The following NUP153 variants were observed in gnomAD, a reference collection of about 807,000 sequenced individuals.
NUP153 encodes nuclear pore complex protein Nup153.
NUP153 carries 27 observed loss-of-function variants against 134.6 expected under a neutral mutation model. That is an observed-to-expected ratio of 0.20 (90% CI 0.15 to 0.28). The LOEUF is 0.28. NUP153 is among the 10% of genes least tolerant of loss of function. NUP153 has a pLI of 1.00. For synonymous variants in NUP153, 640 were observed against 623.5 expected (o/e 1.03, Z -0.40); for missense variants, 1,821 against 1,731.3 (o/e 1.05, Z -0.92).
chr6:17,688,646 A>C lies in NUP153; in HGVS notation c.112-28T>G, dbSNP rs937182835. On this transcript the variant is annotated intron_variant, in intron 1 of 21. Transcript: ENST00000262077. Reference sequence around the variant, plus strand: ...GTTGAGAGAAAAAACATATTATGACAGTTTTAGAAATTTATCTTTTTAAAA... The same window carrying C: ...GTTGAGAGAAAAAACATATTATGACCGTTTTAGAAATTTATCTTTTTAAAA... 2.6e-6 allele frequency: 4 copies of C among 1,540,284 alleles called. No homozygotes were observed. The African/African-American group carries it at 5.5e-5, about 21-fold the overall frequency.
intron 2 of NUP153, among the ~76,000 whole-genome samples, chr6:17,676,074 T>C (rs960353889): frequency 6.6e-6 from 1 of 152,228 alleles, no homozygotes; most frequent in African/African-American, 2.4e-5. Context: ...ATGGTGTATT[T>C]TGTAATACAG....
At chr6:17,661,959 A>C (rs1767212874) in intron 10 of NUP153, 59 bp downstream of exon 10, 1 of 1,344,850 alleles carries the variant, frequency 7.4e-7, no homozygotes, top group Non-Finnish European at 1.0e-6. Context: ...CATGTAAATT[A>C]AATACAGACC....
chr6:17,653,239 C>T (rs1366583043), intron 11 of NUP153, among the ~76,000 whole-genome samples: 1 of 151,950 alleles, frequency 6.6e-6, no homozygotes, highest in Non-Finnish European at 1.5e-5. Context: ...GGCGACAGAG[C>T]GAGGCTCCAT....
chr6:17,667,721 G>GAA (rs2113824252), intron 8 of NUP153, among the ~76,000 whole-genome samples: 1 of 151,484 alleles, frequency 6.6e-6, no homozygotes, highest in African/African-American at 2.4e-5. Context: ...GCCTCAAAAA[G>GAA]AAAAGAAAAA....
chr6:17,682,290 TA>T (rs1393643549), intron 2 of NUP153, among the ~76,000 whole-genome samples: 1 of 152,182 alleles, frequency 6.6e-6, no homozygotes. Flanking sequence ...TAGAAAGTCA[TA>T]ATCTTTTAGG....
At chr6:17,639,321 T>C (rs917413283) in intron 15 of NUP153, among the ~76,000 whole-genome samples, 2 of 152,088 alleles carry the variant, frequency 1.3e-5, no homozygotes, top group African/African-American at 4.8e-5. Flanking sequence ...TCAAGTGATC[T>C]GCCCGTCTTG....
chr6:17,657,394 A>T lies in NUP153; in HGVS notation c.1395+4259T>A, dbSNP rs6913539. Reference sequence around the variant, plus strand: ...CCCGTCTCTACTAAAATAAAAAAATAAAAAAATAAAAAAAAAAAAAATAGC... The same window carrying T: ...CCCGTCTCTACTAAAATAAAAAAATTAAAAAATAAAAAAAAAAAAAATAGC... On this transcript the variant is annotated intron_variant, in intron 11 of 21. Coordinates refer to ENST00000262077, the MANE Select transcript of NUP153 (RefSeq NM_005124.4). Among the ~76,000 whole-genome samples the T allele has an allele frequency of 7.3e-3, 726 of 99,880 alleles. 4 individuals carry two copies. Among genetic ancestry groups the T allele is most frequent in the African/African-American group, 0.015 (445 of 29,488 alleles). 65.5% of individuals were successfully genotyped at this position (99,880 alleles called of 152,430 possible). A position where few individuals can be genotyped will look rare whatever the true frequency, so the allele number is the denominator to read the frequency against.
At chr6:17,649,961 T>G (rs564342176) in intron 11 of NUP153, among the ~76,000 whole-genome samples, 1 of 152,286 alleles carries the variant, frequency 6.6e-6, no homozygotes, top group South Asian at 2.1e-4. Context: ...AACAAGCATT[T>G]AGTAACTGTC....
chr6:17,643,238 C>A (rs987220667), intron 14 of NUP153, among the ~76,000 whole-genome samples: 2 of 152,214 alleles, frequency 1.3e-5, no homozygotes, highest in Non-Finnish European at 2.9e-5. Flanking sequence ...TCTGAGACGC[C>A]TAGGCGGCCA....
chr6:17,658,735 T>C (rs1230180534), intron 11 of NUP153, among the ~76,000 whole-genome samples: 2 of 152,218 alleles, frequency 1.3e-5, no homozygotes, highest in African/African-American at 2.4e-5. Context: ...AAGTGTCGTC[T>C]TCTCCTATTC....
In NUP153 at chr6:17,625,790, T is replaced by C. The variant is rs1366355525; in HGVS notation, c.3901+18A>G. The C allele has an allele frequency of 4.4e-6, 7 of 1,575,342 alleles. No homozygotes were observed. The highest frequency in any genetic ancestry group is 2.7e-5 in the African/African-American group (2 of 74,098). On this transcript the variant is annotated intron_variant, in intron 19 of 21. Coordinates refer to ENST00000262077, the MANE Select transcript of NUP153 (RefSeq NM_005124.4). This position sits in a 1 kb window ranked among gnomAD's most constrained non-coding sequence, Gnocchi z 4.7. ...AAGTCCATCCAATTACAATGCATTT[T>C]TTCTTTTGTAAATGTACCTGCAGAG...
In NUP153 at chr6:17,665,297, G is replaced by A; in HGVS notation, c.1157C>T (p.Ser386Phe). Residue 386 changes from serine to phenylalanine, a missense_variant, in exon 9 of 22, where the codon TCT becomes TTT. Physicochemically the swap from Ser to Phe is radical, Grantham distance 155 (BLOSUM62 -2). Transcript: ENST00000262077. Reference sequence around the variant, plus strand: ...CCTGAATTCACCAGAAGGAGTCAGAGATGGTTTAAAATAAACACTTCGATT... The same window carrying A: ...CCTGAATTCACCAGAAGGAGTCAGAAATGGTTTAAAATAAACACTTCGATT... ...ATNRSVYFKP[S>F]LTPSGEFRKT... is the part of the protein sequence containing the mutation. The A allele has an allele frequency of 6.2e-7, 1 of 1,612,500 alleles. No individual in the cohort carries two copies. Among genetic ancestry groups the A allele is most frequent in the East Asian group, 2.2e-5 (1 of 44,786 alleles).
intron 5 of NUP153, among the ~76,000 whole-genome samples, chr6:17,672,416 A>G (rs910601698): frequency 6.7e-6 from 1 of 149,948 alleles, no homozygotes; most frequent in Non-Finnish European, 1.5e-5. Flanking sequence ...TGTCACTACC[A>G]AAAAAAAAAT....
Position 17,616,065 on chromosome 6 carries a change from T to C in NUP153, c.*32A>G, listed in dbSNP as rs1363463419. The C allele has an allele frequency of 6.8e-7, 1 of 1,471,652 alleles. No individual in the cohort carries two copies. The highest frequency in any genetic ancestry group is 1.4e-5 in the African/African-American group (1 of 72,302). 91.2% of individuals were successfully genotyped at this position (1,471,652 alleles called of 1,614,324 possible). ...TATCTGAAAGCAGGGCACCAGCTGT[T>C]GTTAAAATTGAGTACAACACCAATG... On this transcript the variant is annotated 3_prime_UTR_variant, in exon 22 of 22. Coordinates refer to ENST00000262077, the MANE Select transcript of NUP153 (RefSeq NM_005124.4).
chr6:17,655,673 C>T (rs1766771382), intron 11 of NUP153, among the ~76,000 whole-genome samples: 2 of 151,590 alleles, frequency 1.3e-5, no homozygotes, highest in South Asian at 2.1e-4. Context: ...AGGCTGGTCT[C>T]GAGCTCCTGA....
At chr6:17,689,122 A>G (rs1215918439) in intron 1 of NUP153, among the ~76,000 whole-genome samples, 3 of 152,116 alleles carry the variant, frequency 2.0e-5, no homozygotes, top group Non-Finnish European at 2.9e-5. Flanking sequence ...GAGGTGGTTC[A>G]TGCCTGTAAT....
intron 1 of NUP153, among the ~76,000 whole-genome samples, chr6:17,691,169 T>C (rs1334754841): frequency 2.6e-5 from 4 of 151,822 alleles, no homozygotes; most frequent in East Asian, 2.0e-4. Context: ...AGGAAAGGTA[T>C]AGGTAGCAAC....
intron 1 of NUP153, among the ~76,000 whole-genome samples, chr6:17,703,499 T>C (rs901521898): frequency 3.9e-5 from 6 of 152,100 alleles, no homozygotes; most frequent in Non-Finnish European, 8.8e-5. Context: ...ATAACATTAG[T>C]ATAAAACATG....
At chr6:17,620,095 CAAAAAAAAAAAAA>C (rs58013807) in intron 20 of NUP153, among the ~76,000 whole-genome samples, 13 of 62,998 alleles carry the variant, frequency 2.1e-4, no homozygotes, top group East Asian at 1.1e-3. Flanking sequence ...AAGACACCAT[CAAAAAAAAAAAAA>C]AAAAAAAAAA....
Sources: gnomAD v4.1 joint callset for allele counts (sites outside exome capture counted in the v4.1 genomes callset) on GRCh38, gnomAD v4.1.1 for gene constraint, Gnocchi (gnomAD v3.1) non-coding constraint, MANE v1.5 for transcripts, NCBI Gene and HGNC (gene_info 2026-07-23, HGNC 2026-07-21) for gene names.